The following PRKCE variants were observed in gnomAD, a reference collection of about 807,000 sequenced individuals.
PRKCE encodes the protein protein kinase C epsilon type.
Under a neutral mutation model 85.4 loss-of-function variants are expected in PRKCE, and 16 were observed. The observed-to-expected ratio is 0.19, with a 90% CI of 0.13 to 0.28. The LOEUF (loss-of-function observed/expected upper bound fraction) is 0.28, where lower values mean the gene tolerates loss of function less well. Ranked by LOEUF, PRKCE falls within the 10% of genes least tolerant of loss-of-function variation. PRKCE has a pLI of 1.00. For missense variants in PRKCE, 573 were observed against 975.2 expected (o/e 0.59, Z 5.49); for synonymous variants, 388 against 371.5 (o/e 1.04, Z -0.51).
At chr2:45,728,055 A>G (rs1460622610) in intron 1 of PRKCE, among the ~76,000 whole-genome samples, 1 of 152,174 alleles carries the variant, frequency 6.6e-6, no homozygotes, top group Non-Finnish European at 1.5e-5. Context: ...AGTAAACACC[A>G]TGCCTCGCTT....
chr2:45,793,316 G>A (rs1238479930), intron 1 of PRKCE, among the ~76,000 whole-genome samples: 8 of 152,198 alleles, frequency 5.3e-5, no homozygotes, highest in Middle Eastern at 3.4e-3. Context: ...CTTCTTTCTC[G>A]CTTGTTCTCT....
intron 1 of PRKCE, among the ~76,000 whole-genome samples, chr2:45,791,523 C>T (rs1290116442): frequency 6.6e-6 from 1 of 152,172 alleles, no homozygotes; most frequent in African/African-American, 2.4e-5. Context: ...CCTTCCATAT[C>T]CTCTTTCTTT....
chr2:45,663,748 G>A (rs187735028), intron 1 of PRKCE, among the ~76,000 whole-genome samples: 625 of 151,868 alleles, frequency 4.1e-3, no homozygotes, highest in African/African-American at 0.014. Flanking sequence ...ACGCCACTGC[G>A]CTCTAGCCTG....
chr2:45,695,215 G>T (rs1428197859), intron 1 of PRKCE, among the ~76,000 whole-genome samples: 1 of 152,022 alleles, frequency 6.6e-6, no homozygotes, highest in East Asian at 1.9e-4. Flanking sequence ...TCTTGACTTT[G>T]GTCTCTTCCC....
intron 2 of PRKCE, among the ~76,000 whole-genome samples, chr2:45,954,169 A>G (rs1336513681): frequency 1.3e-5 from 2 of 152,222 alleles, no homozygotes; most frequent in Non-Finnish European, 2.9e-5. Flanking sequence ...GTGTGGCCCT[A>G]GTGAATCTTG....
intron 2 of PRKCE, among the ~76,000 whole-genome samples, chr2:45,916,983 G>T (rs1372052781): frequency 1.3e-5 from 2 of 152,184 alleles, no homozygotes; most frequent in African/African-American, 4.8e-5. Context: ...GACCCAAAGA[G>T]TGAGCAGCAG....
rs905842911 is a variant in PRKCE at position 45,984,221 on chromosome 2, A to G, written c.694-330A>G. 5.9e-5 allele frequency among the ~76,000 whole-genome samples: 9 copies of G among 152,028 alleles called. No homozygotes were observed. The South Asian group carries it at 1.7e-3, about 28-fold the overall frequency. On this transcript the variant is annotated intron_variant, in intron 5 of 14. Transcript: ENST00000306156. The stretch of plus-strand genomic sequence containing the variant: ...CCAAAATGCTGGGATTACAGATATG[A>G]TCCACTGCACCCGGCCTGAGGTACA...
At chr2:45,761,208 T>C (rs1307277860) in intron 1 of PRKCE, among the ~76,000 whole-genome samples, 1 of 151,090 alleles carries the variant, frequency 6.6e-6, no homozygotes, top group Non-Finnish European at 1.5e-5. Flanking sequence ...GCGCCTGTGG[T>C]CTCAGCTACT....
Position 46,159,823 on chromosome 2 carries a change from C to G in PRKCE, c.2067+71C>G. 6 of 1,566,394 alleles carry G rather than the reference C, an allele frequency of 3.8e-6. No individual in the cohort carries two copies. ...GTACTTGCAGGACAGGCTGCGTGCA[C>G]CCAGGAAGAGTTGGTCAGGGGATGC... On this transcript the variant is annotated intron_variant, in intron 14 of 14. Transcript: ENST00000306156. The surrounding 1 kb of genome is among the most constrained non-coding windows in gnomAD (Gnocchi z 4.1).
chr2:45,714,975 G>T (rs1384705435), intron 1 of PRKCE, among the ~76,000 whole-genome samples: 2 of 152,220 alleles, frequency 1.3e-5, no homozygotes, highest in African/African-American at 2.4e-5. Flanking sequence ...TTGGCCTTCA[G>T]GTTTCCGGCA....
At chr2:45,928,956 T>C (rs1348712381) in intron 2 of PRKCE, among the ~76,000 whole-genome samples, 5 of 152,186 alleles carry the variant, frequency 3.3e-5, no homozygotes, top group Non-Finnish European at 5.9e-5. Flanking sequence ...GTTGTGCTTA[T>C]TGTAGGCGGG....
intron 2 of PRKCE, among the ~76,000 whole-genome samples, chr2:45,902,967 A>G (rs767064436): frequency 2.4e-4 from 37 of 152,230 alleles, no homozygotes; most frequent in Non-Finnish European, 4.9e-4. Context: ...CATATATAGC[A>G]TACAACTTCC....
At chr2:45,923,805 AG>A (rs146556551) in intron 2 of PRKCE, among the ~76,000 whole-genome samples, 1,695 of 152,176 alleles carry the variant, frequency 0.011, 35 homozygotes, top group African/African-American at 0.038. Context: ...CTAGGAGCAG[AG>A]GGAAGGAGGG....
At chr2:45,669,101 C>A (rs1676040965) in intron 1 of PRKCE, among the ~76,000 whole-genome samples, 1 of 152,138 alleles carries the variant, frequency 6.6e-6, no homozygotes, top group Non-Finnish European at 1.5e-5. Context: ...AAGCCCACCC[C>A]CTCACACAAG....
At position 46,076,800 on chromosome 2, in the gene PRKCE, G is replaced by T. The variant is rs536775166; in HGVS notation, c.1438-9408G>T. 2.0e-5 allele frequency among the ~76,000 whole-genome samples: 3 copies of T among 152,178 alleles called. No homozygotes were observed. The East Asian group carries it at 5.8e-4, about 29-fold the overall frequency. On this transcript the variant is annotated intron_variant, in intron 10 of 14. Transcript: ENST00000306156. ...GAAAGAACCATGTCTACAGGCAATGGAATATTATTTAACCTTAAAAAAAGA... is the reference window on the plus strand; with the variant it reads ...GAAAGAACCATGTCTACAGGCAATGTAATATTATTTAACCTTAAAAAAAGA...
intron 11 of PRKCE, among the ~76,000 whole-genome samples, chr2:46,091,159 G>C (rs968748033): frequency 6.6e-6 from 1 of 152,076 alleles, no homozygotes; most frequent in East Asian, 1.9e-4. Context: ...GGGAGGGCTG[G>C]GTGGGGGTTC....
chr2:45,652,059 G>T lies in PRKCE; in HGVS notation c.-42G>T. 1 of 1,467,744 alleles carries T rather than the reference G, an allele frequency of 6.8e-7. No individual in the cohort carries two copies. Among genetic ancestry groups the T allele is most frequent in the Non-Finnish European group, 9.2e-7 (1 of 1,086,648 alleles). The allele number at this position is 1,467,744 out of a possible 1,614,324, so 90.9% of individuals were successfully genotyped here. On this transcript the variant is annotated 5_prime_UTR_variant, in exon 1 of 15. Coordinates refer to ENST00000306156, the MANE Select transcript of PRKCE (RefSeq NM_005400.3). The surrounding 1 kb of genome is among the most constrained non-coding windows in gnomAD (Gnocchi z 7.7). ...CGTCGGTTCTTCATTCCTGCCCTCG[G>T]GGCAGACGGAGTGACCCCGGCCCCC...
chr2:46,184,740 C>G lies in PRKCE; in HGVS notation c.2073C>G (p.Thr691=). 6.3e-7 allele frequency: 1 copy of G among 1,599,480 alleles called. No homozygotes were observed. The highest frequency in any genetic ancestry group is 8.5e-7 in the Non-Finnish European group (1 of 1,179,872). Reference sequence around the variant, plus strand: ...TTTCTCTTTTCTTCCCACAGAAAACCAAAAGAGACGTCAATAATTTTGACC... The same window carrying G: ...TTTCTCTTTTCTTCCCACAGAAAACGAAAAGAGACGTCAATAATTTTGACC... ...IKPPFKPRIK[T]KRDVNNFDQD... Residue 691 remains threonine, a synonymous_variant, in exon 15 of 15, where the codon ACC becomes ACG. Coordinates refer to ENST00000306156, the MANE Select transcript of PRKCE (RefSeq NM_005400.3). The surrounding 1 kb of genome is among the most constrained non-coding windows in gnomAD (Gnocchi z 5.0).
chr2:46,159,873 C>G lies in PRKCE; in HGVS notation c.2067+121C>G. 1 of 1,308,824 alleles carries G rather than the reference C, an allele frequency of 7.6e-7. No individual in the cohort carries two copies. Among genetic ancestry groups the G allele is most frequent in the South Asian group, 1.4e-5 (1 of 73,838 alleles). 81.1% of individuals were successfully genotyped at this position (1,308,824 alleles called of 1,614,324 possible). On this transcript the variant is annotated intron_variant, in intron 14 of 14. Coordinates refer to ENST00000306156, the MANE Select transcript of PRKCE (RefSeq NM_005400.3). The surrounding 1 kb of genome is among the most constrained non-coding windows in gnomAD (Gnocchi z 4.1). ...CGTATTACAGTAAAAATGACAAAGACCAGAGGTGGCTGAGGCTCTCCCTAA... is the reference window on the plus strand; with the variant it reads ...CGTATTACAGTAAAAATGACAAAGAGCAGAGGTGGCTGAGGCTCTCCCTAA...
Sources: allele counts gnomAD v4.1 joint callset (sites outside exome capture counted in the v4.1 genomes callset), GRCh38; gene constraint gnomAD v4.1.1; non-coding constraint Gnocchi (gnomAD v3.1); transcripts MANE v1.5; gene names NCBI Gene and HGNC (gene_info 2026-07-23, HGNC 2026-07-21).